MGAT5B: variants seen among roughly 807,000 people sequenced by gnomAD.
MGAT5B encodes the protein alpha-1,6-mannosylglycoprotein 6-beta-N-acetylglucosaminyltransferase B, also known as N-acetylglucosaminyl-transferase Vb.
A neutral mutation model predicts 95.1 loss-of-function variants in MGAT5B; 54 were observed. The ratio of observed to expected loss-of-function variants is 0.57; its 90% CI spans 0.46 to 0.71. The LOEUF (loss-of-function observed/expected upper bound fraction) is 0.71, where lower values mean the gene tolerates loss of function less well. Among genes scored for constraint, MGAT5B ranks in the 30% least tolerant of loss-of-function variants. The pLI is 0.00. For synonymous variants in MGAT5B, 464 were observed against 451.0 expected (o/e 1.03, Z -0.36); for missense variants, 935 against 1,088.6 (o/e 0.86, Z 1.99).
At chr17:76,881,785 G>A (rs1177842533) in intron 2 of MGAT5B, among the ~76,000 whole-genome samples, 1 of 152,188 alleles carries the variant, frequency 6.6e-6, no homozygotes, top group African/African-American at 2.4e-5. Flanking sequence ...GGCCTTTTCT[G>A]CCATCTCACG....
At chr17:76,899,255 C>G (rs1968215271) in intron 3 of MGAT5B, among the ~76,000 whole-genome samples, 1 of 152,172 alleles carries the variant, frequency 6.6e-6, no homozygotes, top group Admixed American at 6.5e-5. Flanking sequence ...ATTTTGCGTG[C>G]CTCCTGTCAT....
At position 76,946,281 on chromosome 17, in the gene MGAT5B, A is replaced by T. The variant is rs759008545; in HGVS notation, c.1849-95A>T. 7.7e-6 allele frequency: 8 copies of T among 1,035,358 alleles called. No individual in the cohort carries two copies. The African/African-American group carries it at 8.0e-5, about 10-fold the overall frequency. 64.1% of individuals were successfully genotyped at this position (1,035,358 alleles called of 1,614,324 possible). A position where few individuals can be genotyped will look rare whatever the true frequency, so the allele number is the denominator to read the frequency against. On this transcript the variant is annotated intron_variant, in intron 15 of 17. Transcript: ENST00000569840. ...CCCTGGGCATGGCACAGGATGTGAGAGCCCACCAGACCTCCACCCCCAATG... is the reference window on the plus strand; with the variant it reads ...CCCTGGGCATGGCACAGGATGTGAGTGCCCACCAGACCTCCACCCCCAATG...
At position 76,915,799 on chromosome 17, in the gene MGAT5B, T is replaced by C. The variant is rs1164292614; in HGVS notation, c.1026-9167T>C. Among the ~76,000 whole-genome samples the C allele has an allele frequency of 2.6e-5, 4 of 152,126 alleles. No individual in the cohort carries two copies. The East Asian group carries it at 7.7e-4, about 29-fold the overall frequency. Reference sequence around the variant, plus strand: ...TCCCCGGCCCCTCTCCTGTCTCCTTTTTCCTTCCCCTTCCTTCAGTTTCAA... The same window carrying C: ...TCCCCGGCCCCTCTCCTGTCTCCTTCTTCCTTCCCCTTCCTTCAGTTTCAA... On this transcript the variant is annotated intron_variant, in intron 8 of 17. Coordinates refer to ENST00000569840, the MANE Select transcript of MGAT5B (RefSeq NM_001199172.2). The surrounding 1 kb of genome is among the most constrained non-coding windows in gnomAD (Gnocchi z 8.7).
chr17:76,889,992 G>C lies in MGAT5B; in HGVS notation c.329+7694G>C, dbSNP rs1467899443. On this transcript the variant is annotated intron_variant, in intron 3 of 17. Transcript: ENST00000569840. This position sits in a 1 kb window ranked among gnomAD's most constrained non-coding sequence, Gnocchi z 4.4. ...CTGTTGAAGGCAGGGCGGGACCAGA[G>C]ACCTTCACTCCCCTACTGTTGGCCA... 1.3e-5 allele frequency among the ~76,000 whole-genome samples: 2 copies of C among 152,252 alleles called. No individual in the cohort carries two copies. The highest frequency in any genetic ancestry group is 4.8e-5 in the African/African-American group (2 of 41,470).
chr17:76,910,075 C>T (rs941915236), intron 8 of MGAT5B, among the ~76,000 whole-genome samples: 1 of 152,126 alleles, frequency 6.6e-6, no homozygotes, highest in African/African-American at 2.4e-5. Flanking sequence ...TGCAAGGAAC[C>T]CGGCTGGGAG....
rs751434002 is a variant in MGAT5B, at chr17:76,906,902, AAC to A, written c.1025+719_1025+720del. Among the ~76,000 whole-genome samples the A allele has an allele frequency of 3.9e-5, 6 of 152,184 alleles. No individual in the cohort carries two copies. Among genetic ancestry groups the A allele is most frequent in the Admixed American group, 2.0e-4 (3 of 15,286 alleles). ...AAAGTCTATGTAAAGTATGTTGTGA[AAC>A]ACAACAGTCAAATCACCTCCCATGT... On this transcript the variant is annotated intron_variant, in intron 8 of 17. Transcript: ENST00000569840. The surrounding 1 kb of genome is among the most constrained non-coding windows in gnomAD (Gnocchi z 4.6).
intron 16 of MGAT5B, 21 bp from the exon 17 acceptor site, chr17:76,947,809 A>G: frequency 6.5e-7 from 1 of 1,527,166 alleles, no homozygotes; most frequent in Non-Finnish European, 8.8e-7. Flanking sequence ...CCCCACCCTG[A>G]CACTGCTCTC....
intron 3 of MGAT5B, among the ~76,000 whole-genome samples, chr17:76,900,318 G>A (rs2145180071): frequency 6.6e-6 from 1 of 152,332 alleles, no homozygotes; most frequent in African/African-American, 2.4e-5. Flanking sequence ...AGGCTGTCGT[G>A]CATTCAACTT....
chr17:76,936,976 G>C (rs1228561134), intron 12 of MGAT5B, among the ~76,000 whole-genome samples: 1 of 150,380 alleles, frequency 6.6e-6, no homozygotes. Flanking sequence ...CTACAAAAAA[G>C]TACTGGGAGT....
In MGAT5B at chr17:76,895,125, A is replaced by G. The variant is rs140464984; in HGVS notation, c.330-7430A>G. On this transcript the variant is annotated intron_variant, in intron 3 of 17. Transcript: ENST00000569840. Reference sequence around the variant, plus strand: ...CTCCGCCTCCTGTCAGATCAGCAGCAGCATTAGATTCTTATAGGCGTGAAA... The same window carrying G: ...CTCCGCCTCCTGTCAGATCAGCAGCGGCATTAGATTCTTATAGGCGTGAAA... 2.9e-3 allele frequency among the ~76,000 whole-genome samples: 448 copies of G among 152,266 alleles called. 1 individual carries two copies. The highest frequency in any genetic ancestry group is 0.01 in the African/African-American group (436 of 41,556).
intron 3 of MGAT5B, among the ~76,000 whole-genome samples, chr17:76,894,786 G>A (rs1476281733): frequency 6.6e-6 from 1 of 151,248 alleles, no homozygotes; most frequent in East Asian, 1.9e-4. Flanking sequence ...CCAGGAGGTG[G>A]AGATTACAGT....
chr17:76,909,847 T>C (rs1278935972), intron 8 of MGAT5B, among the ~76,000 whole-genome samples: 1 of 152,068 alleles, frequency 6.6e-6, no homozygotes, highest in Non-Finnish European at 1.5e-5. Context: ...ACTGGAGTCA[T>C]CCTTTTAAGT....
At chr17:76,876,986 A>G (rs533037763) in intron 2 of MGAT5B, among the ~76,000 whole-genome samples, 2 of 152,110 alleles carry the variant, frequency 1.3e-5, no homozygotes, top group African/African-American at 4.8e-5. Flanking sequence ...GTGGCTGCAG[A>G]TAGTGCTGTG....
At chr17:76,935,887 TATATAATTA>T (rs1390249020) in intron 12 of MGAT5B, among the ~76,000 whole-genome samples, 5 of 50,942 alleles carry the variant, frequency 9.8e-5, no homozygotes, top group Non-Finnish European at 2.5e-4. Context: ...TATTATATAT[TATATAATTA>T]TATATACATT....
At chr17:76,908,249 T>TTTTCCTTTCTTTCTCTTTCTTTC (rs1968604934) in intron 8 of MGAT5B, among the ~76,000 whole-genome samples, 1 of 147,360 alleles carries the variant, frequency 6.8e-6, no homozygotes, top group South Asian at 2.1e-4. Context: ...TTCTTTCTTT[T>TTTTCCTTTCTTTCTCTTTCTTTC]TTTCCTTTCT....
Position 76,930,948 on chromosome 17 carries a change from G to C in MGAT5B, c.1292-1697G>C, listed in dbSNP as rs904418959. Among the ~76,000 whole-genome samples the C allele has an allele frequency of 6.6e-6, 1 of 152,152 alleles. No individual in the cohort carries two copies. Among genetic ancestry groups the C allele is most frequent in the Non-Finnish European group, 1.5e-5 (1 of 68,036 alleles). On this transcript the variant is annotated intron_variant, in intron 10 of 17. Transcript: ENST00000569840. The surrounding 1 kb of genome is among the most constrained non-coding windows in gnomAD (Gnocchi z 4.1). ...CCGAGGGGACAGCAGCAGGGGCAACGCTTGGAGGTGGGAATGGGAGGCTTT... is the reference window on the plus strand; with the variant it reads ...CCGAGGGGACAGCAGCAGGGGCAACCCTTGGAGGTGGGAATGGGAGGCTTT...
chr17:76,921,637 T>TG (rs1471585053), intron 8 of MGAT5B, among the ~76,000 whole-genome samples: 1 of 151,976 alleles, frequency 6.6e-6, no homozygotes, highest in African/African-American at 2.4e-5. Context: ...CTGCAGATCC[T>TG]GGGGGGCGCA....
At chr17:76,882,434 A>T in intron 3 of MGAT5B, 136 bp downstream of exon 3, 1 of 1,033,608 alleles carries the variant, frequency 9.7e-7, no homozygotes, top group Non-Finnish European at 1.3e-6. Flanking sequence ...CCCAGAGTGC[A>T]TTTCTACCAC....
intron 8 of MGAT5B, chr17:76,924,252 C>CA (rs904087574): frequency 1.3e-5 from 2 of 152,616 alleles, no homozygotes; most frequent in African/African-American, 4.8e-5. Context: ...GTCCATACCC[C>CA]TGGAGCTGGG....
Sources: gnomAD v4.1 joint callset for allele counts (sites outside exome capture counted in the v4.1 genomes callset) on GRCh38, gnomAD v4.1.1 for gene constraint, Gnocchi (gnomAD v3.1) non-coding constraint, MANE v1.5 for transcripts, NCBI Gene and HGNC (gene_info 2026-07-23, HGNC 2026-07-21) for gene names.